The following CELF2 variants were observed in gnomAD, a reference collection of about 807,000 sequenced individuals.
The protein encoded by CELF2 is CUG triplet repeat RNA-binding protein 2.
A neutral mutation model predicts 62.6 loss-of-function variants in CELF2; 8 were observed. The observed-to-expected ratio is 0.13, with a 90% CI of 0.07 to 0.23. The LOEUF is 0.23. CELF2 is among the 10% of genes least tolerant of loss of function. CELF2 has a pLI of 1.00. For missense variants in CELF2, 333 were observed against 671.0 expected (o/e 0.50, Z 5.56); for synonymous variants, 258 against 250.0 (o/e 1.03, Z -0.30).
At chr10:10,814,092 A>G (rs1265348620) in intron 1 of CELF2, among the ~76,000 whole-genome samples, 1 of 152,020 alleles carries the variant, frequency 6.6e-6, no homozygotes. Flanking sequence ...TCTACTCTCT[A>G]GCAAATATAC....
the CELF2 span, among the ~76,000 whole-genome samples, chr10:10,579,434 C>T: frequency 1.3e-5 from 2 of 152,226 alleles, no homozygotes; most frequent in East Asian, 3.9e-4. Flanking sequence ...CTGGGTAGTT[C>T]CTCAAGGATT....
the CELF2 span, among the ~76,000 whole-genome samples, chr10:10,522,256 A>T: frequency 6.6e-6 from 1 of 152,216 alleles, no homozygotes; most frequent in Non-Finnish European, 1.5e-5. Flanking sequence ...GTAGCAGCCA[A>T]TTGACCTTCC....
At chr10:11,133,711 A>G (rs1374934325) in intron 1 of CELF2, among the ~76,000 whole-genome samples, 1 of 152,202 alleles carries the variant, frequency 6.6e-6, no homozygotes, top group African/African-American at 2.4e-5. Context: ...AGCTGAGTAA[A>G]TTCCTGTGGC....
chr10:11,307,830 C>T (rs2094339020), intron 9 of CELF2, among the ~76,000 whole-genome samples: 4 of 152,130 alleles, frequency 2.6e-5, no homozygotes, highest in African/African-American at 9.7e-5. Flanking sequence ...GACCCTTTTT[C>T]CTGCCTTTCT....
chr10:11,165,300 G>C lies in CELF2; in HGVS notation c.75-186G>C. On this transcript the variant is annotated intron_variant, in intron 1 of 12. Transcript: ENST00000633077. The surrounding 1 kb of genome is among the most constrained non-coding windows in gnomAD (Gnocchi z 7.4). The stretch of plus-strand genomic sequence containing the variant: ...AGCACGCAGTGAGAGCCTCGCCGCC[G>C]CCGAGGAGCAACTCATGGTGCCTCC... 7.1e-7 allele frequency: 1 copy of C among 1,401,144 alleles called. No homozygotes were observed. Among genetic ancestry groups the C allele is most frequent in the East Asian group, 2.7e-5 (1 of 36,710 alleles). The allele number at this position is 1,401,144 out of a possible 1,614,324, so 86.8% of individuals were successfully genotyped here.
At chr10:11,028,037 GC>G (rs2059509955) in intron 1 of CELF2, among the ~76,000 whole-genome samples, 1 of 152,168 alleles carries the variant, frequency 6.6e-6, no homozygotes, top group Non-Finnish European at 1.5e-5. Context: ...GAACTTTCAT[GC>G]TTTTAAGTCT....
intron 2 of CELF2, among the ~76,000 whole-genome samples, chr10:10,948,651 C>T (rs1165620259): frequency 2.6e-5 from 4 of 152,160 alleles, no homozygotes; most frequent in Non-Finnish European, 4.4e-5. Flanking sequence ...GGGAGGGCTG[C>T]CTCTTTGCAT....
the CELF2 span, among the ~76,000 whole-genome samples, chr10:10,558,924 A>G: frequency 2.0e-5 from 3 of 152,230 alleles, no homozygotes; most frequent in Non-Finnish European, 2.9e-5. Context: ...TGCTAAAATT[A>G]TAAAATGTAC....
intron 5 of CELF2, 42 bp from the exon 6 acceptor site, chr10:11,266,556 G>GT (rs761601697): frequency 5.8e-6 from 9 of 1,552,746 alleles, no homozygotes; most frequent in Non-Finnish European, 7.1e-6. Context: ...TTGTCTTGTT[G>GT]TTTTTTGTCT....
chr10:10,797,357 A>G (rs762664735), upstream of CELF2, among the ~76,000 whole-genome samples: 5 of 151,372 alleles, frequency 3.3e-5, no homozygotes, highest in Non-Finnish European at 7.4e-5. Flanking sequence ...TGTTCTTAAC[A>G]CTCTTAACAT....
At chr10:10,700,409 A>G in the CELF2 span, among the ~76,000 whole-genome samples, 1 of 152,202 alleles carries the variant, frequency 6.6e-6, no homozygotes, top group Non-Finnish European at 1.5e-5. Context: ...ACAGATTGTT[A>G]TATGGATTGT....
At chr10:11,028,565 G>A (rs988261018) in intron 1 of CELF2, among the ~76,000 whole-genome samples, 61 of 143,350 alleles carry the variant, frequency 4.3e-4, no homozygotes, top group Admixed American at 2.0e-3. Context: ...GATTACAGGC[G>A]CCCGCCACCA....
intron 9 of CELF2, among the ~76,000 whole-genome samples, chr10:11,308,735 AT>A (rs2094406387): frequency 6.6e-6 from 1 of 152,208 alleles, no homozygotes; most frequent in Non-Finnish European, 1.5e-5. Context: ...TTGTTTTTGT[AT>A]GGTGAACTGT....
rs76221528 is a variant in CELF2, at chr10:11,055,108, T to C, written c.74+36945T>C. The stretch of plus-strand genomic sequence containing the variant: ...TTACTGTAATGCTCATAACCTGTGT[T>C]TCATGTGTTAATGTATTATTCTTGC... On this transcript the variant is annotated intron_variant, in intron 1 of 12. Transcript: ENST00000633077. Among the ~76,000 whole-genome samples the C allele has an allele frequency of 8.6e-3, 1,315 of 152,366 alleles. 17 individuals carry two copies. Among genetic ancestry groups the C allele is most frequent in the African/African-American group, 0.03 (1,261 of 41,584 alleles).
chr10:10,697,280 A>G, the CELF2 span, among the ~76,000 whole-genome samples: 3 of 152,156 alleles, frequency 2.0e-5, no homozygotes, highest in Admixed American at 6.5e-5. Context: ...GGATGTTTGC[A>G]ATGGGACAGA....
chr10:11,301,723 C>T (rs1278951085), intron 9 of CELF2, among the ~76,000 whole-genome samples: 2 of 151,092 alleles, frequency 1.3e-5, no homozygotes, highest in South Asian at 2.1e-4. Flanking sequence ...GGTGGCACCA[C>T]GGCAGCAACT....
intron 11 of CELF2, among the ~76,000 whole-genome samples, 186 bp from the exon 12 acceptor site, chr10:11,325,650 T>C (rs1166228963): frequency 1.3e-5 from 2 of 152,222 alleles, no homozygotes; most frequent in African/African-American, 4.8e-5. Flanking sequence ...CCAGCATCTT[T>C]GGAAATCAGG....
chr10:11,293,032 C>T (rs1168940493), intron 9 of CELF2, among the ~76,000 whole-genome samples: 1 of 152,208 alleles, frequency 6.6e-6, no homozygotes, highest in Non-Finnish European at 1.5e-5. Context: ...GTGAAACAAA[C>T]TCCTGAGTGT....
chr10:10,694,539 A>C, the CELF2 span, among the ~76,000 whole-genome samples: 1 of 152,254 alleles, frequency 6.6e-6, no homozygotes, highest in East Asian at 1.9e-4. Flanking sequence ...TGCTTGGTGC[A>C]GAGCTGAGTT....
Sources: gnomAD v4.1 joint callset for allele counts (sites outside exome capture counted in the v4.1 genomes callset) on GRCh38, gnomAD v4.1.1 for gene constraint, Gnocchi (gnomAD v3.1) non-coding constraint, MANE v1.5 for transcripts, NCBI Gene and HGNC (gene_info 2026-07-23, HGNC 2026-07-21) for gene names.